The following STK32B variants were observed in gnomAD, a reference collection of about 807,000 sequenced individuals.
The protein encoded by STK32B is serine/threonine kinase 32B.
In STK32B, 43 loss-of-function variants were observed where a neutral mutation model predicts 52.6. The observed-to-expected ratio is 0.82, with a 90% CI of 0.64 to 1.05. The LOEUF is 1.05. Ranked by LOEUF, STK32B falls within the 50% of genes least tolerant of loss-of-function variation. STK32B has a pLI of 0.00. For missense variants in STK32B, 621 were observed against 534.6 expected (o/e 1.16, Z -1.59); for synonymous variants, 238 against 204.3 (o/e 1.17, Z -1.41).
At chr4:5,368,515 C>T (rs1023528111) in intron 4 of STK32B, among the ~76,000 whole-genome samples, 17 of 152,290 alleles carry the variant, frequency 1.1e-4, no homozygotes, top group East Asian at 3.9e-4. Context: ...CTCACAACAA[C>T]GTCATGAGTT....
At position 5,153,596 on chromosome 4, in the gene STK32B, T is replaced by G. The variant is rs569360314; in HGVS notation, c.108+13636T>G. Among the ~76,000 whole-genome samples the G allele has an allele frequency of 2.6e-5, 4 of 152,200 alleles. No homozygotes were observed. In the South Asian group the frequency reaches 8.3e-4, roughly 32 times the overall value. ...TTTACCAAAAACATACAAAAACATTTTATATAATGCTGAAAGATTAAATGC... is the reference window on the plus strand; with the variant it reads ...TTTACCAAAAACATACAAAAACATTGTATATAATGCTGAAAGATTAAATGC... On this transcript the variant is annotated intron_variant, in intron 2 of 11. Transcript: ENST00000282908.
At chr4:5,446,565 AC>A (rs1237221296) in intron 6 of STK32B, 107 bp from the exon 7 acceptor site, 20 of 953,864 alleles carry the variant, frequency 2.1e-5, no homozygotes, top group East Asian at 8.3e-5. Context: ...TCAAAAAAAA[AC>A]AAAAAAAAAA....
At chr4:5,208,617 C>T (rs922266308) in intron 3 of STK32B, among the ~76,000 whole-genome samples, 1 of 152,100 alleles carries the variant, frequency 6.6e-6, no homozygotes, top group Admixed American at 6.5e-5. Flanking sequence ...AAAGTATGAG[C>T]TCTGTATGGT....
chr4:5,201,362 G>A (rs573778280), intron 3 of STK32B, among the ~76,000 whole-genome samples: 17 of 152,230 alleles, frequency 1.1e-4, no homozygotes, highest in Admixed American at 8.5e-4. Context: ...CCATGGGGCC[G>A]GACAGGTTCG....
chr4:5,447,714 C>T (rs753368271), intron 7 of STK32B, among the ~76,000 whole-genome samples: 1 of 152,236 alleles, frequency 6.6e-6, no homozygotes, highest in Non-Finnish European at 1.5e-5. Flanking sequence ...AAGGATGTCA[C>T]TTCACCATGT....
chr4:5,496,179 A>G (rs1720227547), intron 11 of STK32B, among the ~76,000 whole-genome samples: 1 of 152,222 alleles, frequency 6.6e-6, no homozygotes, highest in East Asian at 1.9e-4. Context: ...CTGCCCCCAG[A>G]GGTGGAGCCT....
chr4:5,273,663 T>TA (rs1471713136), intron 3 of STK32B, among the ~76,000 whole-genome samples: 2 of 74,698 alleles, frequency 2.7e-5, no homozygotes, highest in Non-Finnish European at 5.0e-5. Flanking sequence ...TATGCAGCCA[T>TA]AAAAAATGAT....
chr4:5,237,355 G>A (rs1307020867), intron 3 of STK32B, among the ~76,000 whole-genome samples: 1 of 152,128 alleles, frequency 6.6e-6, no homozygotes, highest in Non-Finnish European at 1.5e-5. Context: ...GCTTGGATGC[G>A]AAAATGCTCA....
chr4:5,053,824 C>G (rs992686417), intron 1 of STK32B, among the ~76,000 whole-genome samples: 9 of 121,616 alleles, frequency 7.4e-5, no homozygotes, highest in African/African-American at 2.9e-4. Flanking sequence ...ACTAAAAATA[C>G]AAAAATTAGC....
chr4:5,489,478 C>G (rs1223380838), intron 11 of STK32B, among the ~76,000 whole-genome samples: 1 of 152,000 alleles, frequency 6.6e-6, no homozygotes, highest in African/African-American at 2.4e-5. Flanking sequence ...AGGCTGGGTT[C>G]ATAGCCTTAT....
At position 5,386,397 on chromosome 4, in the gene STK32B, G is replaced by A. The variant is rs2109029731; in HGVS notation, c.435-11810G>A. Among the ~76,000 whole-genome samples, 1 of 152,206 alleles carries A rather than the reference G, an allele frequency of 6.6e-6. No individual in the cohort carries two copies. Among genetic ancestry groups the A allele is most frequent in the East Asian group, 1.9e-4 (1 of 5,140 alleles). On this transcript the variant is annotated intron_variant, in intron 4 of 11. Transcript: ENST00000282908. This position sits in a 1 kb window ranked among gnomAD's most constrained non-coding sequence, Gnocchi z 4.5. Reference sequence around the variant, plus strand: ...ATGGTGGGCCAGAGGGAGGGGGAGTGGGAACCATGGTAGAAGCAGGAAAAG... The same window carrying A: ...ATGGTGGGCCAGAGGGAGGGGGAGTAGGAACCATGGTAGAAGCAGGAAAAG...
chr4:5,282,934 G>T (rs1728301902), intron 3 of STK32B, among the ~76,000 whole-genome samples: 1 of 152,070 alleles, frequency 6.6e-6, no homozygotes, highest in South Asian at 2.1e-4. Flanking sequence ...ACCACAGAAA[G>T]CAAAATCATG....
At chr4:5,383,145 A>T (rs942145411) in intron 4 of STK32B, among the ~76,000 whole-genome samples, 3 of 152,208 alleles carry the variant, frequency 2.0e-5, no homozygotes, top group Non-Finnish European at 4.4e-5. Context: ...CCCTGCAGTC[A>T]GCCGTGGGTA....
chr4:5,045,148 C>A, the STK32B span, among the ~76,000 whole-genome samples: 4 of 152,290 alleles, frequency 2.6e-5, no homozygotes, highest in East Asian at 7.7e-4. Flanking sequence ...CCAGTGTGTG[C>A]CCATTTAATT....
chr4:5,337,982 A>G (rs1732818055), intron 4 of STK32B, among the ~76,000 whole-genome samples: 1 of 152,214 alleles, frequency 6.6e-6, no homozygotes, highest in Admixed American at 6.5e-5. Flanking sequence ...CTCCAGGGAA[A>G]GCCTGGAGTT....
chr4:5,205,322 A>G (rs894013972), intron 3 of STK32B, among the ~76,000 whole-genome samples: 2 of 152,166 alleles, frequency 1.3e-5, no homozygotes, highest in Admixed American at 6.5e-5. Context: ...GAGGCAGTAC[A>G]ATCTCCATAA....
At chr4:5,021,565 A>G in the STK32B span, among the ~76,000 whole-genome samples, 1 of 152,188 alleles carries the variant, frequency 6.6e-6, no homozygotes, top group Admixed American at 6.5e-5. Flanking sequence ...GCTTAAATTC[A>G]GAGCAGGGAA....
At position 5,499,105 on chromosome 4, in the gene STK32B, A is replaced by G. The variant is rs755435274; in HGVS notation, c.*22A>G. 1.3e-6 allele frequency: 2 copies of G among 1,596,322 alleles called. No individual in the cohort carries two copies. Among genetic ancestry groups the G allele is most frequent in the South Asian group, 1.1e-5 (1 of 88,312 alleles). On this transcript the variant is annotated 3_prime_UTR_variant, in exon 12 of 12. Transcript: ENST00000282908. ...CTGAGCCCACACTTGTTGCTGCTCA[A>G]CAGGACTGCACTCGTCTCTGCCCTG...
chr4:5,029,568 A>C, the STK32B span, among the ~76,000 whole-genome samples: 1 of 152,152 alleles, frequency 6.6e-6, no homozygotes, highest in African/African-American at 2.4e-5. Context: ...CTCTGTTAAC[A>C]ATCTGACACA....
Sources: allele counts gnomAD v4.1 joint callset (sites outside exome capture counted in the v4.1 genomes callset), GRCh38; gene constraint gnomAD v4.1.1; non-coding constraint Gnocchi (gnomAD v3.1); transcripts MANE v1.5; gene names NCBI Gene and HGNC (gene_info 2026-07-23, HGNC 2026-07-21).